Variants in CD44 observed in about 807,000 individuals in gnomAD.
The protein encoded by CD44 is CD44 antigen.
Under a neutral mutation model 88.8 loss-of-function variants are expected in CD44, and 49 were observed. The ratio of observed to expected loss-of-function variants is 0.55; its 90% CI spans 0.44 to 0.70. The LOEUF (loss-of-function observed/expected upper bound fraction) is 0.70. CD44 is among the 30% of genes least tolerant of loss of function. The pLI is 0.00. For synonymous variants in CD44, 325 were observed against 312.3 expected (o/e 1.04, Z -0.43); for missense variants, 883 against 913.8 (o/e 0.97, Z 0.43).
intron 1 of CD44, among the ~76,000 whole-genome samples, chr11:35,168,149 AT>A (rs2133468816): frequency 6.6e-6 from 1 of 152,338 alleles, no homozygotes; most frequent in Admixed American, 6.5e-5. Context: ...TCTTAAAATA[AT>A]ATTCAATAAG....
At chr11:35,165,958 C>T (rs2133424790) in intron 1 of CD44, among the ~76,000 whole-genome samples, 1 of 152,236 alleles carries the variant, frequency 6.6e-6, no homozygotes, top group Non-Finnish European at 1.5e-5. Context: ...CTAAGCAGTT[C>T]CACAAAATGC....
rs758581511 is a variant in CD44 at position 35,206,672 on chromosome 11, G to GGGT, written c.1414+431_1414+432insTGG. ...GGAAGTGGGTGGTGGGGGTTGGTGGGGGGGGCAGTTTTCCTAAGAAGGAGA... is the reference window on the plus strand; with the variant it reads ...GGAAGTGGGTGGTGGGGGTTGGTGGGGGTGGGGGCAGTTTTCCTAAGAAGGAGA... On this transcript the variant is annotated intron_variant, in intron 11 of 17. Coordinates refer to ENST00000428726, the MANE Select transcript of CD44 (RefSeq NM_000610.4). 6.5e-3 allele frequency among the ~76,000 whole-genome samples: 987 copies of GGGT among 150,870 alleles called. 12 individuals carry two copies. Among genetic ancestry groups the GGGT allele is most frequent in the Middle Eastern group, 0.014 (4 of 294 alleles).
In CD44 at chr11:35,219,382, T is replaced by C; in HGVS notation, c.1940T>C (p.Ile647Thr). The change falls in exon 16 of 18, where the codon ATT becomes ACT. Residue 647 changes from isoleucine (I) to threonine (T), a missense_variant. By Grantham distance (89) the Ile-to-Thr change is moderately conservative. This residue lies in a region of CD44 where 631 missense variants were observed against 590.9 expected (regional missense o/e 1.07). Coordinates refer to ENST00000428726, the MANE Select transcript of CD44 (RefSeq NM_000610.4). ...TCTGGTCCTATAAGGACACCCCAAA[T>C]TCCAGGTGAGTTTCAAACTTTGAGG... ...TTSGPIRTPQ[I>T]PEWLIILASL... 1 of 1,612,840 alleles carries C rather than the reference T, an allele frequency of 6.2e-7. No individual in the cohort carries two copies. Among genetic ancestry groups the C allele is most frequent in the Non-Finnish European group, 8.5e-7 (1 of 1,179,046 alleles).
At chr11:35,180,464 G>A in intron 3 of CD44, 57 bp downstream of exon 3, 1 of 1,601,898 alleles carries the variant, frequency 6.2e-7, no homozygotes, top group Non-Finnish European at 8.5e-7. Context: ...CTGGTCTTTG[G>A]AGCTCAGCTT....
chr11:35,206,748 A>AGT (rs1947905122), intron 11 of CD44, among the ~76,000 whole-genome samples: 1 of 10,168 alleles, frequency 9.8e-5, no homozygotes, highest in Admixed American at 6.2e-4. Flanking sequence ...TGAATATGTC[A>AGT]GTGAGTGGAT....
intron 5 of CD44, among the ~76,000 whole-genome samples, chr11:35,195,875 A>C (rs190018289): frequency 4.6e-5 from 7 of 152,292 alleles, no homozygotes; most frequent in Admixed American, 4.6e-4. Context: ...ATAGTTTCAC[A>C]TAAGAAATTA....
At chr11:35,191,201 C>T (rs534483757) in intron 5 of CD44, among the ~76,000 whole-genome samples, 4 of 152,154 alleles carry the variant, frequency 2.6e-5, no homozygotes, top group African/African-American at 9.6e-5. Context: ...AAGACAGGGC[C>T]CTTCTCTATT....
chr11:35,205,835 C>A, intron 10 of CD44: 1 of 1,063,106 alleles, frequency 9.4e-7, no homozygotes, highest in Non-Finnish European at 1.1e-6. Flanking sequence ...CTTCATCTTC[C>A]TTTGATGTCG....
intron 15 of CD44, among the ~76,000 whole-genome samples, chr11:35,217,691 T>A (rs1291603486): frequency 2.6e-5 from 4 of 152,214 alleles, no homozygotes; most frequent in Admixed American, 6.5e-5. Flanking sequence ...AAGATTTCAG[T>A]GTGCACAGCC....
At chr11:35,177,113 G>A (rs572227727) in intron 2 of CD44, 10 of 169,556 alleles carry the variant, frequency 5.9e-5, no homozygotes, top group Middle Eastern at 5.3e-3. Flanking sequence ...GGCTGTTAGA[G>A]TCTTGGCCCT....
At chr11:35,190,798 T>G (rs1015210095) in intron 5 of CD44, among the ~76,000 whole-genome samples, 12 of 152,238 alleles carry the variant, frequency 7.9e-5, no homozygotes, top group African/African-American at 2.9e-4. Flanking sequence ...GCTTAAGAGC[T>G]CTATAATCCA....
intron 15 of CD44, among the ~76,000 whole-genome samples, chr11:35,218,193 AT>A (rs1344035870): frequency 6.6e-6 from 1 of 152,088 alleles, no homozygotes; most frequent in Admixed American, 6.5e-5. Flanking sequence ...AGTTTAAGGC[AT>A]TTTGTTCATC....
At chr11:35,226,880 CTTTTTT>C (rs367551052) in intron 17 of CD44, among the ~76,000 whole-genome samples, 6 of 106,210 alleles carry the variant, frequency 5.6e-5, no homozygotes, top group African/African-American at 1.2e-4. Context: ...TTCTTTTTTC[CTTTTTT>C]TTTTTTTTTT....
chr11:35,181,814 T>C (rs1406954304), intron 3 of CD44, among the ~76,000 whole-genome samples: 4 of 113,110 alleles, frequency 3.5e-5, no homozygotes, highest in Non-Finnish European at 6.8e-5. Context: ...TATTTATATA[T>C]TTAAATATAT....
intron 1 of CD44, chr11:35,139,604 G>T (rs1857490260): frequency 1.3e-6 from 1 of 748,956 alleles, no homozygotes; most frequent in South Asian, 1.4e-5. Flanking sequence ...AGTTTGTTGG[G>T]CAGGCTGCCG....
At chr11:35,218,951 G>T in intron 15 of CD44, 1 of 210,350 alleles carries the variant, frequency 4.8e-6, no homozygotes, top group Non-Finnish European at 9.8e-6. Flanking sequence ...TCTTACGAGT[G>T]TGAAAAGGGA....
chr11:35,228,981 G>C (rs1443115593), intron 17 of CD44, 148 bp from the exon 18 acceptor site: 6 of 646,262 alleles, frequency 9.3e-6, no homozygotes, highest in African/African-American at 7.3e-5. Context: ...AGTTGTTAAA[G>C]TAGAGAAAAC....
In CD44 at chr11:35,210,005, C is replaced by A; in HGVS notation, c.1557C>A (p.Gly519=). Residue 519 remains glycine, a synonymous_variant, in exon 13 of 18, where the codon GGC becomes GGA. Transcript: ENST00000428726. ...AGAGCTTCTCTACATCACATGAAGG[C>A]TTGGAAGAAGATAAAGACCATCCAA... ...NSQSFSTSHE[G]LEEDKDHPTT... 1 of 1,572,828 alleles carries A rather than the reference C, an allele frequency of 6.4e-7. No individual in the cohort carries two copies. The highest frequency in any genetic ancestry group is 8.6e-7 in the Non-Finnish European group (1 of 1,164,148).
chr11:35,224,389 G>A (rs1467466697), intron 17 of CD44, among the ~76,000 whole-genome samples: 1 of 152,152 alleles, frequency 6.6e-6, no homozygotes, highest in African/African-American at 2.4e-5. Flanking sequence ...TATTTTAGGA[G>A]TCAGTTGGGT....
Sources: allele counts gnomAD v4.1 joint callset (sites outside exome capture counted in the v4.1 genomes callset), GRCh38; gene constraint gnomAD v4.1.1; regional missense constraint gnomAD v4.1.1; transcripts MANE v1.5; gene names NCBI Gene and HGNC (gene_info 2026-07-23, HGNC 2026-07-21).